Variants in PLA2G3 observed in about 807,000 individuals in gnomAD.
PLA2G3 encodes group 3 secretory phospholipase A2.
A neutral mutation model predicts 51.3 loss-of-function variants in PLA2G3; 39 were observed. That is an observed-to-expected ratio of 0.76 (90% CI 0.59 to 0.99). The LOEUF is 0.99. Among genes scored for constraint, PLA2G3 ranks in the 50% least tolerant of loss-of-function variants. The pLI, the probability that PLA2G3 is intolerant of heterozygous loss-of-function variation, is 0.00. For synonymous variants in PLA2G3, 293 were observed against 263.1 expected (o/e 1.11, Z -1.10); for missense variants, 677 against 662.1 (o/e 1.02, Z -0.25).
chr22:31,135,877 T>C lies in PLA2G3; in HGVS notation c.1376A>G (p.Gln459Arg), dbSNP rs138699696. Residue 459 changes from glutamine to arginine, a missense_variant, in exon 7 of 7, where the codon CAG becomes CGG. Gln to Arg is a conservative substitution (Grantham distance 43, BLOSUM62 1). Transcript: ENST00000215885. ...VSARHLRRLQ[Q>R]RRHQLQDKGT... ...TTTATCCTGGAGCTGGTGTCGCCTC[T>C]GCTGAAGCCTCCGCAAGTGCCGGGC... 306 of 1,613,780 alleles carry C rather than the reference T, an allele frequency of 1.9e-4. No homozygotes were observed. Among genetic ancestry groups the C allele is most frequent in the Non-Finnish European group, 2.4e-4 (289 of 1,180,044 alleles).
At chr22:31,138,565 G>T (rs1345065248) in intron 2 of PLA2G3, 102 bp downstream of exon 2, 3 of 1,528,746 alleles carry the variant, frequency 2.0e-6, no homozygotes, top group Non-Finnish European at 2.7e-6. Context: ...GTCCAAGCTG[G>T]CTGAGCTTTA....
In PLA2G3 at chr22:31,140,385, C is replaced by T; in HGVS notation, c.-31G>A. The T allele has an allele frequency of 6.5e-7, 1 of 1,527,116 alleles. No individual in the cohort carries two copies. The highest frequency in any genetic ancestry group is 1.8e-4 in the Middle Eastern group (1 of 5,704). 94.6% of individuals were successfully genotyped at this position (1,527,116 alleles called of 1,614,324 possible). A position where few individuals can be genotyped will look rare whatever the true frequency, so the allele number is the denominator to read the frequency against. ...ACTGGCCCAGTCCAGTCAGACAAAG[C>T]CCCTGGGATGCCTGCCCTTGGTGGC... is the stretch of plus-strand genomic sequence containing the variant. On this transcript the variant is annotated 5_prime_UTR_variant, in exon 1 of 7. Transcript: ENST00000215885.
At chr22:31,136,849 G>A in intron 5 of PLA2G3, 50 bp from the exon 6 acceptor site, 2 of 1,601,080 alleles carry the variant, frequency 1.2e-6, no homozygotes, top group Non-Finnish European at 1.7e-6. Flanking sequence ...CCAGCCAGGG[G>A]CCCCTTCCCA....
In PLA2G3 at chr22:31,137,751, G is replaced by A; in HGVS notation, c.1025C>T (p.Pro342Leu). The A allele has an allele frequency of 6.2e-7, 1 of 1,613,240 alleles. No individual in the cohort carries two copies. Among genetic ancestry groups the A allele is most frequent in the Non-Finnish European group, 8.5e-7 (1 of 1,179,820 alleles). Residue 342 changes from proline to leucine, a missense_variant, in exon 4 of 7, where the codon CCC (proline) becomes CTC (leucine). Coordinates refer to ENST00000215885, the MANE Select transcript of PLA2G3 (RefSeq NM_015715.5). ...ACCCTGTGGGCCCTGGAGGCCTGTG[G>A]GGGCCACATCAAGCCTGGGAGAGAC... ...PMVSPRLDVA[P>L]TGLQGPQGGL...
At position 31,137,692 on chromosome 22, in the gene PLA2G3, G is replaced by A. The variant is rs551248122; in HGVS notation, c.1066+18C>T. On this transcript the variant is annotated intron_variant, in intron 4 of 6. Coordinates refer to ENST00000215885, the MANE Select transcript of PLA2G3 (RefSeq NM_015715.5). ...CCCCCTCATGTCAGGAACCCCCAAG[G>A]TTAGGTTCTGAGCTCACCCTGAGGT... 9 of 1,574,332 alleles carry A rather than the reference G, an allele frequency of 5.7e-6. No homozygotes were observed. Among genetic ancestry groups the A allele is most frequent in the Non-Finnish European group, 6.9e-6 (8 of 1,164,614 alleles).
intron 4 of PLA2G3, 101 bp from the exon 5 acceptor site, chr22:31,137,141 C>T (rs1922623498): frequency 2.5e-6 from 3 of 1,179,714 alleles, no homozygotes; most frequent in African/African-American, 3.1e-5. Flanking sequence ...TGCTCAGTCA[C>T]ACACACAGAT....
At position 31,140,439 on chromosome 22, in the gene PLA2G3, C is replaced by T. The variant is rs1020717347; in HGVS notation, c.-85G>A. 4.2e-5 allele frequency: 62 copies of T among 1,474,018 alleles called. No homozygotes were observed. The highest frequency in any genetic ancestry group is 1.6e-4 in the East Asian group (7 of 43,708). 91.3% of individuals were successfully genotyped at this position (1,474,018 alleles called of 1,614,324 possible). A position where few individuals can be genotyped will look rare whatever the true frequency, so the allele number is the denominator to read the frequency against. On this transcript the variant is annotated 5_prime_UTR_variant, in exon 1 of 7. Coordinates refer to ENST00000215885, the MANE Select transcript of PLA2G3 (RefSeq NM_015715.5). ...ACCAGGCGGCAGCTGAGCAGTGGAA[C>T]GGAAGCGGAGCCCAGCAGGCCCGGT...
rs192274134 is a variant in PLA2G3, at chr22:31,138,058, G to A, written c.783-65C>T. 485 of 1,477,712 alleles carry A rather than the reference G, an allele frequency of 3.3e-4. No homozygotes were observed. The African/African-American group carries it at 5.2e-3, about 16-fold the overall frequency. The allele number at this position is 1,477,712 out of a possible 1,614,324, so 91.5% of individuals were successfully genotyped here. On this transcript the variant is annotated intron_variant, in intron 3 of 6. Coordinates refer to ENST00000215885, the MANE Select transcript of PLA2G3 (RefSeq NM_015715.5). ...CCCCCTTCCAGAAGCCCCCAGGGTCGTCTCCATGGAGATCAATGCTCTGCC... is the reference window on the plus strand; with the variant it reads ...CCCCCTTCCAGAAGCCCCCAGGGTCATCTCCATGGAGATCAATGCTCTGCC...
chr22:31,135,915 G>T lies in PLA2G3; in HGVS notation c.1338C>A (p.Ala446=), dbSNP rs762615383. ...GCAAGTGCCGGGCTGACACCCTGAT[G>T]GCCCTAGGGTCTCTGGAACAGCTGT... is the stretch of plus-strand genomic sequence containing the variant. ...EGKNCSRDPR[A]IRVSARHLRR... The change falls in exon 7 of 7, where the codon GCC becomes GCA. Residue 446 remains alanine, a synonymous_variant. Coordinates refer to ENST00000215885, the MANE Select transcript of PLA2G3 (RefSeq NM_015715.5). The T allele has an allele frequency of 3.7e-6, 6 of 1,613,522 alleles. No homozygotes were observed. The highest frequency in any genetic ancestry group is 5.1e-6 in the Non-Finnish European group (6 of 1,179,914).
At chr22:31,137,425 T>A (rs986194149) in intron 4 of PLA2G3, among the ~76,000 whole-genome samples, 1 of 151,868 alleles carries the variant, frequency 6.6e-6, no homozygotes, top group Admixed American at 6.6e-5. Context: ...GAAACTAGAG[T>A]TTTGACTGGG....
Position 31,140,102 on chromosome 22 carries a change from C to G in PLA2G3, c.253G>C (p.Ala85Pro), listed in dbSNP as rs1455395691. The change falls in exon 1 of 7, where the codon GCT (alanine) becomes CCT (proline). Residue 85 changes from alanine (A) to proline (P), a missense_variant. Transcript: ENST00000215885. ...DEPELTAAYG[A>P]LCAHETAWGS... The stretch of plus-strand genomic sequence containing the variant: ...CAGGCAGTCTCATGAGCACAGAGAG[C>G]ACCGTAGGCTGCGGTGAGCTCCGGC... 6.2e-7 allele frequency: 1 copy of G among 1,613,344 alleles called. No individual in the cohort carries two copies. The highest frequency in any genetic ancestry group is 8.5e-7 in the Non-Finnish European group (1 of 1,180,018).
intron 1 of PLA2G3, among the ~76,000 whole-genome samples, 174 bp downstream of exon 1, chr22:31,139,667 A>G (rs1208257179): frequency 6.6e-6 from 1 of 152,140 alleles, no homozygotes; most frequent in Non-Finnish European, 1.5e-5. Flanking sequence ...ACCTCATTTA[A>G]GCACCCCATG....
Position 31,135,642 on chromosome 22 carries a change from G to A in PLA2G3, c.*81C>T, listed in dbSNP as rs551174221. 8.5e-5 allele frequency: 89 copies of A among 1,045,118 alleles called. 1 individual carries two copies. Among genetic ancestry groups the A allele is most frequent in the Middle Eastern group, 6.2e-4 (2 of 3,216 alleles). The allele number at this position is 1,045,118 out of a possible 1,614,324, so 64.7% of individuals were successfully genotyped here. On this transcript the variant is annotated 3_prime_UTR_variant, in exon 7 of 7. Transcript: ENST00000215885. ...TCTGCCATGCTTCAGTCTAACCTAC[G>A]GAGGGGAGGCTGAGATTCCCAAGGC...
chr22:31,135,984 CCA>C, intron 6 of PLA2G3, 48 bp from the exon 7 acceptor site: 1 of 1,481,438 alleles, frequency 6.8e-7, no homozygotes, highest in Non-Finnish European at 9.4e-7. Flanking sequence ...GACAAGGATC[CCA>C]CCTTACTCTG....
Position 31,136,745 on chromosome 22 carries a change from C to T in PLA2G3, c.1254G>A (p.Trp418Ter), listed in dbSNP as rs777098068. 1.1e-5 allele frequency: 17 copies of T among 1,613,312 alleles called. No individual in the cohort carries two copies. Among genetic ancestry groups the T allele is most frequent in the Middle Eastern group, 1.6e-4 (1 of 6,074 alleles). ...TGAAGCAGGTTGTGCCCAGCAGCTC[C>T]CAAAGCATGTTGGTAACCTCGGGTG... ...HSPPEVTNML[W>*]ELLGTTCFKL... Residue 418 changes from tryptophan to a stop codon, truncating the protein, a stop_gained, in exon 6 of 7, where the codon TGG becomes TGA. Transcript: ENST00000215885. LOFTEE classifies it high-confidence loss of function.
At position 31,140,295 on chromosome 22, in the gene PLA2G3, G is replaced by GC. The variant is rs1291996794; in HGVS notation, c.59dup (p.Ser21LeufsTer46). On this transcript the variant is annotated frameshift_variant, in exon 1 of 7. Coordinates refer to ENST00000215885, the MANE Select transcript of PLA2G3 (RefSeq NM_015715.5). LOFTEE classifies it high-confidence loss of function. ...TCCTGTACCAGCGGAGGGCAGGGGA[G>GC]CCCCCCAGGGCCACCCCCAGGAAGC... The GC allele has an allele frequency of 8.7e-6, 14 of 1,610,244 alleles. No homozygotes were observed. Among genetic ancestry groups the GC allele is most frequent in the Non-Finnish European group, 1.1e-5 (13 of 1,179,468 alleles).
Position 31,140,194 on chromosome 22 carries a change from C to A in PLA2G3, c.161G>T (p.Gly54Val), listed in dbSNP as rs1191496752. 1 of 1,612,672 alleles carries A rather than the reference C, an allele frequency of 6.2e-7. No individual in the cohort carries two copies. The highest frequency in any genetic ancestry group is 2.2e-5 in the East Asian group (1 of 44,884). The change falls in exon 1 of 7, where the codon GGA becomes GTA. Residue 54 changes from glycine (G) to valine (V), a missense_variant. Physicochemically the swap from Gly to Val is moderately radical, Grantham distance 109. Transcript: ENST00000215885. ...YLSFLAKDAQ[G>V]LALIHARWDA... ...CCAGCGGGCATGGATCAGGGCCAGTCCCTGAGCATCCTTGGCCAGGAAGCT... is the reference window on the plus strand; with the variant it reads ...CCAGCGGGCATGGATCAGGGCCAGTACCTGAGCATCCTTGGCCAGGAAGCT...
chr22:31,138,434 A>G (rs781682287), intron 2 of PLA2G3, 24 bp from the exon 3 acceptor site: 6 of 1,611,258 alleles, frequency 3.7e-6, no homozygotes, highest in Non-Finnish European at 4.2e-6. Context: ...GATACCCAGG[A>G]CCCTGGGGCA....
Position 31,138,394 on chromosome 22 carries a change from G to C in PLA2G3, c.664C>G (p.Gln222Glu), listed in dbSNP as rs766271302. The C allele has an allele frequency of 4.3e-6, 7 of 1,613,820 alleles. No homozygotes were observed. Among genetic ancestry groups the C allele is most frequent in the African/African-American group, 1.3e-5 (1 of 74,914 alleles). Residue 222 changes from glutamine to glutamate, a missense_variant, in exon 3 of 7, where the codon CAG (glutamine) becomes GAG (glutamate). Transcript: ENST00000215885. ...TCCGAGATGGAGTCGTGCTGATTCT[G>C]TAGGCATTGCTGAAACCTGCCCCAG... ...DCDTRFQQCLQNQHDSISDIV... is the reference protein window; with the variant it reads ...DCDTRFQQCLENQHDSISDIV...
Sources: allele counts gnomAD v4.1 joint callset (sites outside exome capture counted in the v4.1 genomes callset), GRCh38; gene constraint gnomAD v4.1.1; transcripts MANE v1.5; gene names NCBI Gene and HGNC (gene_info 2026-07-23, HGNC 2026-07-21).